Variants in KCTD18 observed in about 807,000 individuals in gnomAD.
KCTD18 encodes the protein BTB/POZ domain-containing protein KCTD18.
A neutral mutation model predicts 30.4 loss-of-function variants in KCTD18; 22 were observed. The ratio of observed to expected loss-of-function variants is 0.72; its 90% CI spans 0.52 to 1.03. KCTD18 has a LOEUF of 1.03. Ranked by LOEUF, KCTD18 falls within the 50% of genes least tolerant of loss-of-function variation. The pLI is 0.00. For synonymous variants in KCTD18, 186 were observed against 209.0 expected (o/e 0.89, Z 0.95); for missense variants, 529 against 547.6 (o/e 0.97, Z 0.34).
At position 200,504,919 on chromosome 2, in the gene KCTD18, G is replaced by A; in HGVS notation, c.201C>T (p.Tyr67=). The A allele has an allele frequency of 6.2e-7, 1 of 1,614,080 alleles. No individual in the cohort carries two copies. The highest frequency in any genetic ancestry group is 8.5e-7 in the Non-Finnish European group (1 of 1,180,006). ...VIDRDGRLFK[Y]LLDYLHGEVQ... ...CTTCTCCATGAAGGTAATCCAAAAG[G>A]TATTTAAATAGACGTCCATCACGGT... The change falls in exon 3 of 7, where the codon TAC becomes TAT. Residue 67 remains tyrosine, a synonymous_variant. Transcript: ENST00000359878.
Position 200,504,364 on chromosome 2 carries a change from CAGG to C in KCTD18, c.372+381_372+383del, listed in dbSNP as rs530624127. ...GTCCCAGCTACTGGGGAGGCTGAGG[CAGG>C]AGAATGGTGTGAAGCCCAGAGGCGG... On this transcript the variant is annotated intron_variant, in intron 3 of 6. Transcript: ENST00000359878. 2.3e-3 allele frequency among the ~76,000 whole-genome samples: 339 copies of C among 148,904 alleles called. 2 individuals carry two copies. The highest frequency in any genetic ancestry group is 8.2e-3 in the African/African-American group (329 of 40,278).
rs541629075 is a variant in KCTD18 at position 200,490,099 on chromosome 2, A to C, written c.*1T>G. ...GGGAAATTTCAAGTCCACCACTTTC[A>C]TCAATTTCCCTTGTTCTTCCCGTTC... On this transcript the variant is annotated 3_prime_UTR_variant, in exon 7 of 7. Coordinates refer to ENST00000359878, the MANE Select transcript of KCTD18 (RefSeq NM_152387.4). The C allele has an allele frequency of 6.4e-7, 1 of 1,554,758 alleles. No individual in the cohort carries two copies. Among genetic ancestry groups the C allele is most frequent in the East Asian group, 2.3e-5 (1 of 44,016 alleles).
intron 3 of KCTD18, 65 bp from the exon 4 acceptor site, chr2:200,499,149 C>A: frequency 8.9e-7 from 1 of 1,124,298 alleles, no homozygotes; most frequent in South Asian, 1.6e-5. Context: ...TGAATATGCT[C>A]CATTACTTTC....
At chr2:200,497,623 A>T (rs995536103) in intron 5 of KCTD18, 130 bp downstream of exon 5, 1 of 694,556 alleles carries the variant, frequency 1.4e-6, no homozygotes, top group African/African-American at 1.8e-5. Flanking sequence ...CAGTGTTATC[A>T]TGAGATGACA....
Position 200,497,804 on chromosome 2 carries a change from C to T in KCTD18, c.610G>A (p.Val204Ile). Residue 204 changes from valine to isoleucine, a missense_variant, in exon 5 of 7, where the codon GTA (valine) becomes ATA (isoleucine). By Grantham distance (29) the Val-to-Ile change is conservative. Coordinates refer to ENST00000359878, the MANE Select transcript of KCTD18 (RefSeq NM_152387.4). ...NVQYIWSYYS[V>I]AELKKMMDAF... ...TCCATCATTTTCTTCAACTCTGCTA[C>T]TGAATAATAGCTCCAAATGTACTGA... is the stretch of plus-strand genomic sequence containing the variant. The T allele has an allele frequency of 1.2e-6, 2 of 1,612,510 alleles. No individual in the cohort carries two copies. Among genetic ancestry groups the T allele is most frequent in the Non-Finnish European group, 1.7e-6 (2 of 1,179,168 alleles).
At chr2:200,495,507 G>A (rs1303291814) in intron 5 of KCTD18, among the ~76,000 whole-genome samples, 1 of 152,112 alleles carries the variant, frequency 6.6e-6, no homozygotes, top group African/African-American at 2.4e-5. Flanking sequence ...GAACAATTGT[G>A]ATGCACTGAT....
rs1048843210 is a variant in KCTD18 at position 200,498,787 on chromosome 2, G to A, written c.566+104C>T. ...TGATGGCTCACTGTGTCTCCTGAGA[G>A]GTGTTAATGGTCTTTTCTAGTCAAG... On this transcript the variant is annotated intron_variant, in intron 4 of 6. Transcript: ENST00000359878. The A allele has an allele frequency of 3.2e-6, 3 of 929,538 alleles. No homozygotes were observed. The African/African-American group carries it at 5.0e-5, about 15-fold the overall frequency. The allele number at this position is 929,538 out of a possible 1,614,324, so 57.6% of individuals were successfully genotyped here. A position where few individuals can be genotyped will look rare whatever the true frequency, so the allele number is the denominator to read the frequency against.
chr2:200,506,383 G>C (rs540342076), intron 2 of KCTD18, among the ~76,000 whole-genome samples: 93 of 152,218 alleles, frequency 6.1e-4, no homozygotes, highest in Middle Eastern at 3.4e-3. Flanking sequence ...TTTCTCAGCC[G>C]TGCACATTGG....
chr2:200,506,726 C>CT lies in KCTD18; in HGVS notation c.160+130_160+131insA, dbSNP rs1393545522. 9.7e-6 allele frequency: 7 copies of CT among 721,844 alleles called. No homozygotes were observed. In the East Asian group the frequency reaches 1.9e-4, roughly 20 times the overall value. 44.7% of individuals were successfully genotyped at this position (721,844 alleles called of 1,614,324 possible). A position where few individuals can be genotyped will look rare whatever the true frequency, so the allele number is the denominator to read the frequency against. ...TTTCTCCACGTACTTAATGAATCTC[C>CT]ATAGAGTCCTAATGATCTCAGTAAT... On this transcript the variant is annotated intron_variant, in intron 2 of 6. Transcript: ENST00000359878.
intron 2 of KCTD18, among the ~76,000 whole-genome samples, chr2:200,505,331 G>T (rs1020397274): frequency 1.5e-4 from 23 of 152,128 alleles, no homozygotes; most frequent in Non-Finnish European, 2.9e-4. Context: ...GGCCAAGTGG[G>T]CAAGAGAGGC....
chr2:200,490,199 G>C lies in KCTD18; in HGVS notation c.1182C>G (p.Pro394=), dbSNP rs142017026. Residue 394 remains proline, a synonymous_variant, in exon 7 of 7, where the codon CCC becomes CCG. Transcript: ENST00000359878. ...GGGAGTTGGCCTGCCTCGTGGCCGT[G>C]GGGGAGGGCAGGCAAGGCGCGGTGG... ...LCATAPCLPS[P]TATRQANSLK... is the part of the protein sequence containing the mutation. 673 of 1,614,058 alleles carry C rather than the reference G, an allele frequency of 4.2e-4. 9 individuals carry two copies. The African/African-American group carries it at 8.0e-3, about 19-fold the overall frequency.
chr2:200,501,165 C>A (rs1184554855), intron 3 of KCTD18, among the ~76,000 whole-genome samples: 1 of 152,106 alleles, frequency 6.6e-6, no homozygotes, highest in African/African-American at 2.4e-5. Flanking sequence ...AACGTTAGAC[C>A]TAAAACCATG....
At chr2:200,490,724 T>A in intron 6 of KCTD18, 108 bp from the exon 7 acceptor site, 1 of 1,282,410 alleles carries the variant, frequency 7.8e-7, no homozygotes, top group Non-Finnish European at 1.1e-6. Context: ...GGTCAAGAAT[T>A]AAAGAGTCAA....
At position 200,508,947 on chromosome 2, in the gene KCTD18, A is replaced by C. The variant is rs181882197; in HGVS notation, c.-76+681T>G. Among the ~76,000 whole-genome samples, 49 of 152,222 alleles carry C rather than the reference A, an allele frequency of 3.2e-4. No individual in the cohort carries two copies. The East Asian group carries it at 8.7e-3, about 27-fold the overall frequency. On this transcript the variant is annotated intron_variant, in intron 1 of 6. Transcript: ENST00000359878. ...CGTCCCACGTATCCTTCTGCCCCCC[A>C]AGTTAGAATCCTTGCACAATTCTAC...
chr2:200,501,875 T>C lies in KCTD18; in HGVS notation c.373-2791A>G, dbSNP rs560264434. On this transcript the variant is annotated intron_variant, in intron 3 of 6. Coordinates refer to ENST00000359878, the MANE Select transcript of KCTD18 (RefSeq NM_152387.4). Reference sequence around the variant, plus strand: ...CGGCATTATTCACAATAGCAAAGACTTGGAACCAACCCAAATGTCCAACAA... The same window carrying C: ...CGGCATTATTCACAATAGCAAAGACCTGGAACCAACCCAAATGTCCAACAA... 6.0e-5 allele frequency among the ~76,000 whole-genome samples: 9 copies of C among 150,670 alleles called. No homozygotes were observed. In the South Asian group the frequency reaches 1.9e-3, roughly 32 times the overall value.
At chr2:200,500,388 T>C (rs930166046) in intron 3 of KCTD18, among the ~76,000 whole-genome samples, 4 of 151,948 alleles carry the variant, frequency 2.6e-5, no homozygotes, top group African/African-American at 9.7e-5. Context: ...AACCCCACTG[T>C]CTCAGCCCAA....
rs531783604 is a variant in KCTD18 at position 200,508,190 on chromosome 2, A to G, written c.-75-1099T>C. On this transcript the variant is annotated intron_variant, in intron 1 of 6. Coordinates refer to ENST00000359878, the MANE Select transcript of KCTD18 (RefSeq NM_152387.4). ...CCATCTCGGCTCACTCCCGGGTTCAAGCAATTCTCCTGCCTCAGCCTCCTG... is the reference window on the plus strand; with the variant it reads ...CCATCTCGGCTCACTCCCGGGTTCAGGCAATTCTCCTGCCTCAGCCTCCTG... Among the ~76,000 whole-genome samples, 174 of 152,288 alleles carry G rather than the reference A, an allele frequency of 1.1e-3. 1 individual carries two copies. Among genetic ancestry groups the G allele is most frequent in the African/African-American group, 4.0e-3 (168 of 41,558 alleles).
At chr2:200,506,365 A>G (rs989996010) in intron 2 of KCTD18, among the ~76,000 whole-genome samples, 1 of 152,184 alleles carries the variant, frequency 6.6e-6, no homozygotes, top group African/African-American at 2.4e-5. Flanking sequence ...GTATCACTGC[A>G]CAGACTTTTT....
chr2:200,491,925 A>G (rs954217815), intron 6 of KCTD18, among the ~76,000 whole-genome samples: 2 of 152,200 alleles, frequency 1.3e-5, no homozygotes, highest in Admixed American at 6.5e-5. Context: ...AAAGAGTGCA[A>G]ATATAATATA....
Sources: allele counts gnomAD v4.1 joint callset (sites outside exome capture counted in the v4.1 genomes callset), GRCh38; gene constraint gnomAD v4.1.1; transcripts MANE v1.5; gene names NCBI Gene and HGNC (gene_info 2026-07-23, HGNC 2026-07-21).